MARCHF1: variants seen among roughly 807,000 people sequenced by gnomAD.
MARCHF1 encodes E3 ubiquitin-protein ligase MARCHF1.
MARCHF1 carries 40 observed loss-of-function variants against 54.2 expected under a neutral mutation model. The observed-to-expected ratio is 0.74, with a 90% confidence interval of 0.57 to 0.96. The LOEUF is 0.96. Ranked by LOEUF, MARCHF1 falls within the 40% of genes least tolerant of loss-of-function variation. The pLI is 0.00. For missense variants in MARCHF1, 586 were observed against 656.5 expected (o/e 0.89, Z 1.17); for synonymous variants, 236 against 236.3 (o/e 1.00, Z 0.01).
chr4:163,550,260 C>A (rs1471163250), intron 8 of MARCHF1, among the ~76,000 whole-genome samples: 6 of 128,656 alleles, frequency 4.7e-5, no homozygotes, highest in African/African-American at 1.2e-4. Context: ...CCAGCCTCGG[C>A]GACAGAGCGA....
At chr4:163,973,608 A>G (rs1250259175) in intron 3 of MARCHF1, among the ~76,000 whole-genome samples, 2 of 152,208 alleles carry the variant, frequency 1.3e-5, no homozygotes, top group Non-Finnish European at 2.9e-5. Context: ...GGAGATGAAA[A>G]CAAATACGGG....
chr4:163,711,454 G>A (rs1012584119), intron 4 of MARCHF1, among the ~76,000 whole-genome samples: 4 of 151,756 alleles, frequency 2.6e-5, no homozygotes, highest in Non-Finnish European at 5.9e-5. Context: ...ACCCTGATCT[G>A]TGCCCAGGAG....
intron 8 of MARCHF1, chr4:163,584,116 G>C (rs536277376): frequency 4.3e-4 from 64 of 150,438 alleles, no homozygotes; most frequent in African/African-American, 1.5e-3. Flanking sequence ...GGGTATACTA[G>C]ATACTACAAA....
intron 2 of MARCHF1, among the ~76,000 whole-genome samples, chr4:164,032,649 G>A (rs957427735): frequency 2.6e-5 from 4 of 152,132 alleles, no homozygotes; most frequent in Admixed American, 1.3e-4. Context: ...GGTTTTGAGC[G>A]AGTTTCTTAA....
chr4:164,101,232 C>T (rs1298694188), intron 2 of MARCHF1, among the ~76,000 whole-genome samples: 1 of 152,160 alleles, frequency 6.6e-6, no homozygotes, highest in Non-Finnish European at 1.5e-5. Context: ...ACAAAGCAGC[C>T]TGGAAGCTCA....
In MARCHF1 at chr4:163,973,133, T is replaced by A. The variant is rs548908689; in HGVS notation, c.-39+15368A>T. Reference sequence around the variant, plus strand: ...GAACCAGCTGTACAAATTTACCAAGTATAAAGTCACACTCTATAACAGAGG... The same window carrying A: ...GAACCAGCTGTACAAATTTACCAAGAATAAAGTCACACTCTATAACAGAGG... On this transcript the variant is annotated intron_variant, in intron 3 of 9. Coordinates refer to ENST00000514618, the MANE Select transcript of MARCHF1 (RefSeq NM_001394959.1). Among the ~76,000 whole-genome samples the A allele has an allele frequency of 3.9e-5, 6 of 152,332 alleles. No individual in the cohort carries two copies. In the South Asian group the frequency reaches 1.2e-3, roughly 32 times the overall value.
At chr4:164,309,365 G>A (rs1191412484) in intron 1 of MARCHF1, among the ~76,000 whole-genome samples, 3 of 152,052 alleles carry the variant, frequency 2.0e-5, no homozygotes, top group Non-Finnish European at 4.4e-5. Flanking sequence ...ATTTCAGGAA[G>A]AGGCAATGAT....
At chr4:163,794,120 G>C (rs1426663727) in intron 4 of MARCHF1, among the ~76,000 whole-genome samples, 1 of 152,164 alleles carries the variant, frequency 6.6e-6, no homozygotes, top group Non-Finnish European at 1.5e-5. Context: ...ACAACTATTT[G>C]TACTACATTT....
chr4:163,631,990 T>C (rs368269432), intron 5 of MARCHF1, among the ~76,000 whole-genome samples: 1 of 152,110 alleles, frequency 6.6e-6, no homozygotes. Flanking sequence ...TGAAAAGATG[T>C]TGAACATCAC....
At chr4:163,705,097 A>G (rs1437268897) in intron 4 of MARCHF1, among the ~76,000 whole-genome samples, 1 of 151,802 alleles carries the variant, frequency 6.6e-6, no homozygotes, top group Non-Finnish European at 1.5e-5. Flanking sequence ...AGAGAAAAAC[A>G]TAAGATAGTT....
At chr4:164,325,308 G>A (rs1735245255) in intron 1 of MARCHF1, among the ~76,000 whole-genome samples, 1 of 141,400 alleles carries the variant, frequency 7.1e-6, no homozygotes, top group Admixed American at 7.1e-5. Context: ...AAATGGACAA[G>A]GACCAGTGAG....
intron 4 of MARCHF1, among the ~76,000 whole-genome samples, chr4:163,708,583 G>T (rs1057067382): frequency 6.6e-6 from 1 of 152,070 alleles, no homozygotes; most frequent in Admixed American, 6.6e-5. Flanking sequence ...GTAACTTCGA[G>T]AGTGAAAAGT....
chr4:163,590,237 T>C (rs2110842995), intron 7 of MARCHF1, among the ~76,000 whole-genome samples: 1 of 151,714 alleles, frequency 6.6e-6, no homozygotes, highest in South Asian at 2.1e-4. Context: ...TTCATAAGTT[T>C]TTTTTTAAAC....
At chr4:164,094,392 A>G (rs1755365451) in intron 2 of MARCHF1, among the ~76,000 whole-genome samples, 1 of 152,176 alleles carries the variant, frequency 6.6e-6, no homozygotes, top group East Asian at 1.9e-4. Context: ...TATGCCCTCC[A>G]GTTCAAGGTG....
At chr4:164,264,163 T>C (rs1432328431) in intron 1 of MARCHF1, among the ~76,000 whole-genome samples, 1 of 152,170 alleles carries the variant, frequency 6.6e-6, no homozygotes, top group African/African-American at 2.4e-5. Flanking sequence ...TACGCCGCCA[T>C]TAAAAAATGA....
chr4:163,869,078 A>C (rs1750115698), intron 3 of MARCHF1, among the ~76,000 whole-genome samples: 2 of 151,932 alleles, frequency 1.3e-5, no homozygotes, highest in Admixed American at 1.3e-4. Context: ...GCCTAGAATA[A>C]GTAAGGTTCT....
At chr4:163,714,409 G>A (rs1261908670) in intron 4 of MARCHF1, among the ~76,000 whole-genome samples, 1 of 152,172 alleles carries the variant, frequency 6.6e-6, no homozygotes, top group African/African-American at 2.4e-5. Context: ...TCCATAAATA[G>A]CTTACTGCTA....
At chr4:163,861,626 C>A (rs1749936119) in intron 3 of MARCHF1, among the ~76,000 whole-genome samples, 3 of 151,972 alleles carry the variant, frequency 2.0e-5, no homozygotes, top group African/African-American at 4.8e-5. Flanking sequence ...TGGGAAGACT[C>A]AACATTGTTA....
At chr4:164,081,226 A>C (rs921676749) in intron 2 of MARCHF1, among the ~76,000 whole-genome samples, 7 of 146,852 alleles carry the variant, frequency 4.8e-5, no homozygotes, top group African/African-American at 1.7e-4. Context: ...AAAAAAAAAA[A>C]AAAAAAAAAA....
Sources: gnomAD v4.1 joint callset for allele counts (sites outside exome capture counted in the v4.1 genomes callset) on GRCh38, gnomAD v4.1.1 for gene constraint, MANE v1.5 for transcripts, NCBI Gene and HGNC (gene_info 2026-07-23, HGNC 2026-07-21) for gene names.